The following ATP2A3 variants were observed in gnomAD, a reference collection of about 807,000 sequenced individuals.
The protein encoded by ATP2A3 is sarcoplasmic/endoplasmic reticulum calcium ATPase 3.
A neutral mutation model predicts 106.8 loss-of-function variants in ATP2A3; 61 were observed. The observed-to-expected ratio is 0.57, with a 90% confidence interval of 0.46 to 0.71. ATP2A3 has a LOEUF of 0.71. Ranked by LOEUF, ATP2A3 falls within the 30% of genes least tolerant of loss-of-function variation. The probability of loss-of-function intolerance (pLI) is 0.00; values close to 1 mark genes in which losing one functional copy is unlikely to be tolerated. For missense variants in ATP2A3, 1,201 were observed against 1,423.5 expected (o/e 0.84, Z 2.52); for synonymous variants, 611 against 609.3 (o/e 1.00, Z -0.04).
rs568307308 is a variant in ATP2A3, at chr17:3,928,967, C to T, written c.2863-187G>A. Among the ~76,000 whole-genome samples, 167 of 150,830 alleles carry T rather than the reference C, an allele frequency of 1.1e-3. No homozygotes were observed. Among genetic ancestry groups the T allele is most frequent in the Non-Finnish European group, 1.9e-3 (130 of 67,708 alleles). Reference sequence around the variant, plus strand: ...CCCGATCTTTGTCTGTTCAGCTGCACCCCCCAATCTTTGTCCGCTCAGCTT... The same window carrying T: ...CCCGATCTTTGTCTGTTCAGCTGCATCCCCCAATCTTTGTCCGCTCAGCTT... On this transcript the variant is annotated intron_variant, in intron 19 of 20. Transcript: ENST00000397041. The surrounding 1 kb of genome is among the most constrained non-coding windows in gnomAD (Gnocchi z 6.1).
At position 3,941,260 on chromosome 17, in the gene ATP2A3, C is replaced by T. The variant is rs1483761301; in HGVS notation, c.1811G>A (p.Arg604Gln). The T allele has an allele frequency of 3.1e-6, 5 of 1,613,842 alleles. No homozygotes were observed. Among genetic ancestry groups the T allele is most frequent in the African/African-American group, 1.3e-5 (1 of 75,060 alleles). ...VGCVGMLDPP[R>Q]PEVAACITRC... is the part of the protein sequence containing the mutation. ...TGTGATGCAGGCAGCCACCTCAGGT[C>T]GCGGCGGGTCCAGCATGCCTACGCA... The change falls in exon 14 of 21, where the codon CGA becomes CAA. Residue 604 changes from arginine (R) to glutamine (Q), a missense_variant. By Grantham distance (43) the Arg-to-Gln change is conservative. This residue lies in a region of ATP2A3 where 935 missense variants were observed against 1,176.7 expected (regional missense o/e 0.79). Coordinates refer to ENST00000397041, the MANE Select transcript of ATP2A3 (RefSeq NM_005173.4).
At chr17:3,945,916 G>A (rs551269312) in intron 8 of ATP2A3, among the ~76,000 whole-genome samples, 4 of 152,288 alleles carry the variant, frequency 2.6e-5, no homozygotes, top group East Asian at 1.9e-4. Context: ...CATCCAGCAC[G>A]TAAGGCCCCT....
At chr17:3,957,986 C>T (rs1197731974) in intron 1 of ATP2A3, among the ~76,000 whole-genome samples, 1 of 152,206 alleles carries the variant, frequency 6.6e-6, no homozygotes, top group Admixed American at 6.5e-5. Context: ...ACTGAGAGGG[C>T]CTGTGTTCAC....
chr17:3,951,551 C>CA (rs2054438064), intron 4 of ATP2A3, 30 bp downstream of exon 4: 2 of 1,341,210 alleles, frequency 1.5e-6, no homozygotes, highest in Admixed American at 2.0e-5. Flanking sequence ...AGACCGCCCC[C>CA]CGCCCGGTCC....
chr17:3,950,724 G>A lies in ATP2A3; in HGVS notation c.513C>T (p.Thr171=), dbSNP rs757807254. ...ADLRLIEIKS[T]TLRVDQSILT... is the part of the protein sequence containing the mutation. ...GGATGGACTGGTCCACTCGCAGCGT[G>A]GTGGACTTGATCTCGATGAGGCGGA... Residue 171 remains threonine, a synonymous_variant, in exon 6 of 21, where the codon ACC becomes ACT. Transcript: ENST00000397041. 1.2e-6 allele frequency: 2 copies of A among 1,614,012 alleles called. No homozygotes were observed. Among genetic ancestry groups the A allele is most frequent in the South Asian group, 2.2e-5 (2 of 91,078 alleles).
intron 20 of ATP2A3, chr17:3,927,021 C>A: frequency 1.0e-6 from 1 of 985,504 alleles, no homozygotes; most frequent in Non-Finnish European, 1.2e-6. Context: ...CCTCACCCCT[C>A]TGCCCTGCAT....
chr17:3,964,274 C>A lies in ATP2A3; in HGVS notation c.18G>T (p.Leu6=). 1 of 1,282,230 alleles carries A rather than the reference C, an allele frequency of 7.8e-7. No homozygotes were observed. Among genetic ancestry groups the A allele is most frequent in the South Asian group, 1.7e-5 (1 of 59,998 alleles). The allele number at this position is 1,282,230 out of a possible 1,614,324, so 79.4% of individuals were successfully genotyped here. A position where few individuals can be genotyped will look rare whatever the true frequency, so the allele number is the denominator to read the frequency against. Residue 6 remains leucine (L), a synonymous_variant, in exon 1 of 21, where the codon CTG becomes CTT. Coordinates refer to ENST00000397041, the MANE Select transcript of ATP2A3 (RefSeq NM_005173.4). ...GGCGCAGCACGTCGGCGGCCGGGAG[C>A]AGATGCGCCGCCTCCATGCCGCCCG... MEAAH[L]LPAADVLRHF...
In ATP2A3 at chr17:3,953,088, T is replaced by C. The variant is rs2054547860; in HGVS notation, c.219+259A>G. Among the ~76,000 whole-genome samples the C allele has an allele frequency of 6.6e-6, 1 of 151,606 alleles. No homozygotes were observed. Among genetic ancestry groups the C allele is most frequent in the Non-Finnish European group, 1.5e-5 (1 of 67,840 alleles). On this transcript the variant is annotated intron_variant, in intron 3 of 20. Coordinates refer to ENST00000397041, the MANE Select transcript of ATP2A3 (RefSeq NM_005173.4). This position sits in a 1 kb window ranked among gnomAD's most constrained non-coding sequence, Gnocchi z 5.1. ...AGCAGGGCGGGGCGGGGGGCAGATG[T>C]GAGTTGGGGAGCTCGCTGAGAGCCA...
Position 3,924,256 on chromosome 17 carries a change from G to A in ATP2A3, c.*1166C>T, listed in dbSNP as rs768512816. 6 of 155,144 alleles carry A rather than the reference G, an allele frequency of 3.9e-5. No individual in the cohort carries two copies. The highest frequency in any genetic ancestry group is 1.9e-4 in the East Asian group (1 of 5,210). 9.6% of individuals were successfully genotyped at this position (155,144 alleles called of 1,614,324 possible). ...TTGGTGCAGGTTTCTGCTACCCCTC[G>A]CTAGTTTTTGCCAAAGTAGCAAAAG... On this transcript the variant is annotated 3_prime_UTR_variant, in exon 21 of 21. Coordinates refer to ENST00000397041, the MANE Select transcript of ATP2A3 (RefSeq NM_005173.4). This position sits in a 1 kb window ranked among gnomAD's most constrained non-coding sequence, Gnocchi z 6.4.
At position 3,947,049 on chromosome 17, in the gene ATP2A3, C is replaced by T. The variant is rs1010549629; in HGVS notation, c.1095+342G>A. On this transcript the variant is annotated intron_variant, in intron 8 of 20. Coordinates refer to ENST00000397041, the MANE Select transcript of ATP2A3 (RefSeq NM_005173.4). The surrounding 1 kb of genome is among the most constrained non-coding windows in gnomAD (Gnocchi z 7.7). The stretch of plus-strand genomic sequence containing the variant: ...ACCCGGATCCAGGCCCAGCTTGGCC[C>T]CTATGCCAAGGCTGAACTTGAGCCT... 6.6e-6 allele frequency among the ~76,000 whole-genome samples: 1 copy of T among 152,224 alleles called. No individual in the cohort carries two copies. Among genetic ancestry groups the T allele is most frequent in the African/African-American group, 2.4e-5 (1 of 41,448 alleles).
At chr17:3,935,364 C>T in intron 16 of ATP2A3, 87 bp from the exon 17 acceptor site, 1 of 1,270,978 alleles carries the variant, frequency 7.9e-7, no homozygotes, top group Admixed American at 1.8e-5. Context: ...CCTGAATTCC[C>T]TGCAGGGAGC....
rs1004313579 is a variant in ATP2A3, at chr17:3,937,515, G to A, written c.2222C>T (p.Ala741Val). The A allele has an allele frequency of 1.2e-6, 2 of 1,614,024 alleles. No homozygotes were observed. Among genetic ancestry groups the A allele is most frequent in the African/African-American group, 2.7e-5 (2 of 74,916 alleles). ...AEMVLSDDNFASIVAAVEEGR... is the reference protein window; with the variant it reads ...AEMVLSDDNFVSIVAAVEEGR... ...CTCCTCCACCGCAGCCACGATGGAGGCAAAGTTGTCATCTGACAGCACCAT... is the reference window on the plus strand; with the variant it reads ...CTCCTCCACCGCAGCCACGATGGAGACAAAGTTGTCATCTGACAGCACCAT... Residue 741 changes from alanine to valine, a missense_variant, in exon 15 of 21, where the codon GCC (alanine) becomes GTC (valine). Physicochemically the swap from Ala to Val is moderately conservative, Grantham distance 64. Transcript: ENST00000397041.
At chr17:3,961,223 C>CTG (rs2055119227) in intron 1 of ATP2A3, among the ~76,000 whole-genome samples, 1 of 152,198 alleles carries the variant, frequency 6.6e-6, no homozygotes, top group Admixed American at 6.5e-5. Flanking sequence ...GGAGAATTTA[C>CTG]TGTATACCTT....
chr17:3,958,895 T>TAG (rs2054980632), intron 1 of ATP2A3, among the ~76,000 whole-genome samples: 1 of 132,226 alleles, frequency 7.6e-6, no homozygotes, highest in Admixed American at 8.3e-5. Context: ...CACATATATA[T>TAG]ATATTGTTTT....
Position 3,928,799 on chromosome 17 carries a change from G to A in ATP2A3, c.2863-19C>T, listed in dbSNP as rs368574526. 3.2e-6 allele frequency: 5 copies of A among 1,545,180 alleles called. No individual in the cohort carries two copies. The African/African-American group carries it at 6.9e-5, about 21-fold the overall frequency. On this transcript the variant is annotated intron_variant, in intron 19 of 20. Coordinates refer to ENST00000397041, the MANE Select transcript of ATP2A3 (RefSeq NM_005173.4). The surrounding 1 kb of genome is among the most constrained non-coding windows in gnomAD (Gnocchi z 6.1). ...AAATGAGCTGGCGGGGAGGGGAAGG[G>A]AGGTTTGGTTAAAGGAAGGACTGGC...
At chr17:3,939,066 CT>C (rs2053599081) in intron 14 of ATP2A3, among the ~76,000 whole-genome samples, 1 of 152,070 alleles carries the variant, frequency 6.6e-6, no homozygotes, top group Non-Finnish European at 1.5e-5. Flanking sequence ...CCTCAGGAGG[CT>C]GAGGTGGGAG....
Position 3,929,262 on chromosome 17 carries a change from C to G in ATP2A3, c.2862+66G>C. ...TCCATTGCAGGGGGGCCAGAGAGGTCCAGTGACCAGCCCAGGGCCTGTGAT... is the reference window on the plus strand; with the variant it reads ...TCCATTGCAGGGGGGCCAGAGAGGTGCAGTGACCAGCCCAGGGCCTGTGAT... On this transcript the variant is annotated intron_variant, in intron 19 of 20. Coordinates refer to ENST00000397041, the MANE Select transcript of ATP2A3 (RefSeq NM_005173.4). This position sits in a 1 kb window ranked among gnomAD's most constrained non-coding sequence, Gnocchi z 4.3. The G allele has an allele frequency of 7.0e-7, 1 of 1,420,110 alleles. No homozygotes were observed. Among genetic ancestry groups the G allele is most frequent in the Non-Finnish European group, 9.7e-7 (1 of 1,034,172 alleles). The allele number at this position is 1,420,110 out of a possible 1,614,324, so 88.0% of individuals were successfully genotyped here.
At position 3,928,043 on chromosome 17, in the gene ATP2A3, G is replaced by A; in HGVS notation, c.2980+620C>T. ...GACGATGCTGTGTCCCTGGCCCTTG[G>A]AAGTTCAGAATCACCCACTCTCAGA... On this transcript the variant is annotated intron_variant, in intron 20 of 20. Coordinates refer to ENST00000397041, the MANE Select transcript of ATP2A3 (RefSeq NM_005173.4). This position sits in a 1 kb window ranked among gnomAD's most constrained non-coding sequence, Gnocchi z 6.1. The A allele has an allele frequency of 6.2e-7, 1 of 1,614,048 alleles. No individual in the cohort carries two copies.
intron 1 of ATP2A3, among the ~76,000 whole-genome samples, chr17:3,961,522 G>C (rs750966): frequency 6.9e-6 from 1 of 145,240 alleles, no homozygotes; most frequent in African/African-American, 2.5e-5. Flanking sequence ...AGGAGGGTGG[G>C]AAGGTGGGGG....
Sources: allele counts gnomAD v4.1 joint callset (sites outside exome capture counted in the v4.1 genomes callset), GRCh38; gene constraint gnomAD v4.1.1; regional missense constraint gnomAD v4.1.1; non-coding constraint Gnocchi (gnomAD v3.1); transcripts MANE v1.5; gene names NCBI Gene and HGNC (gene_info 2026-07-23, HGNC 2026-07-21).